ARL14EPL: variants seen among roughly 807,000 people sequenced by gnomAD.
ARL14EPL encodes ARL14 effector protein-like.
In ARL14EPL, 17 loss-of-function variants were observed where a neutral mutation model predicts 15.9. The ratio of observed to expected loss-of-function variants is 1.07; its 90% CI spans 0.73 to 1.60. The LOEUF is 1.60. ARL14EPL is among the 40% of genes most tolerant of loss of function. The pLI is 0.00. For missense variants in ARL14EPL, 214 were observed against 185.9 expected, an observed-to-expected ratio of 1.15 and a Z score of -0.88; for synonymous variants, 78 against 63.8, an observed-to-expected ratio of 1.22 and a Z score of -1.06.
intron 3 of ARL14EPL, among the ~76,000 whole-genome samples, chr5:116,055,854 G>T (rs1749504817): frequency 6.6e-6 from 1 of 151,806 alleles, no homozygotes; most frequent in Non-Finnish European, 1.5e-5. Flanking sequence ...CTGTCCAAGT[G>T]TTCTCATTGT....
intron 1 of ARL14EPL, among the ~76,000 whole-genome samples, chr5:116,038,485 G>A (rs532959096): frequency 1.3e-5 from 2 of 152,282 alleles, no homozygotes; most frequent in Admixed American, 6.5e-5. Context: ...GAAGGATGCG[G>A]TGACAACGAG....
intron 3 of ARL14EPL, among the ~76,000 whole-genome samples, chr5:116,057,550 T>C (rs1749550273): frequency 6.6e-6 from 1 of 152,154 alleles, no homozygotes; most frequent in African/African-American, 2.4e-5. Flanking sequence ...ATCTACTCCA[T>C]CACTCTTATA....
At chr5:116,053,338 C>T (rs1275013963) in intron 2 of ARL14EPL, among the ~76,000 whole-genome samples, 5 of 137,116 alleles carry the variant, frequency 3.6e-5, no homozygotes, top group Admixed American at 2.4e-4. Context: ...GGTGACAGAG[C>T]GAGACCCTAT....
chr5:116,056,575 A>C (rs1749522431), intron 3 of ARL14EPL, among the ~76,000 whole-genome samples: 1 of 151,992 alleles, frequency 6.6e-6, no homozygotes, highest in Non-Finnish European at 1.5e-5. Context: ...AGATTGCAAA[A>C]ATTTTCTCCC....
chr5:116,038,138 C>A (rs2112666641), intron 1 of ARL14EPL, among the ~76,000 whole-genome samples: 1 of 152,230 alleles, frequency 6.6e-6, no homozygotes, highest in South Asian at 2.1e-4. Flanking sequence ...GGAAACAGAT[C>A]ACTAAGTTAC....
intron 1 of ARL14EPL, among the ~76,000 whole-genome samples, chr5:116,046,856 A>C (rs1749276915): frequency 6.6e-6 from 1 of 152,180 alleles, no homozygotes; most frequent in Admixed American, 6.5e-5. Flanking sequence ...GACTATATTT[A>C]GAGATAGGGT....
rs899254563 is a variant in ARL14EPL at position 116,058,709 on chromosome 5, T to C, written c.237-16T>C. 2.0e-6 allele frequency: 3 copies of C among 1,532,520 alleles called. No individual in the cohort carries two copies. Among genetic ancestry groups the C allele is most frequent in the Non-Finnish European group, 2.6e-6 (3 of 1,145,252 alleles). The allele number at this position is 1,532,520 out of a possible 1,614,324, so 94.9% of individuals were successfully genotyped here. A position where few individuals can be genotyped will look rare whatever the true frequency, so the allele number is the denominator to read the frequency against. ...TGATTGCACTGTCATCTTAATGTCA[T>C]GCTTTTCCTTTGTAGAATAATGAGG... On this transcript the variant is annotated splice_polypyrimidine_tract_variant and intron_variant, in intron 3 of 3. Coordinates refer to ENST00000686077, the MANE Select transcript of ARL14EPL (RefSeq NM_001195581.2).
chr5:116,045,800 C>G (rs1164540164), intron 1 of ARL14EPL, among the ~76,000 whole-genome samples: 2 of 147,006 alleles, frequency 1.4e-5, no homozygotes, highest in African/African-American at 5.0e-5. Flanking sequence ...GAAAATACAA[C>G]TACAAAAGTA....
At chr5:116,040,979 C>CAA (rs56060606) in intron 1 of ARL14EPL, among the ~76,000 whole-genome samples, 31,098 of 66,326 alleles carry the variant, frequency 0.47, 7,738 homozygotes, top group Admixed American at 0.6. Context: ...GATTCCCTCT[C>CAA]AAAAAAAAAA....
intron 3 of ARL14EPL, 79 bp downstream of exon 3, chr5:116,054,232 C>T: frequency 7.4e-7 from 1 of 1,346,612 alleles, no homozygotes; most frequent in Non-Finnish European, 9.8e-7. Flanking sequence ...ATGAAAGATT[C>T]CCTCTTTTTA....
At chr5:116,035,721 T>C (rs1258696006) in intron 1 of ARL14EPL, among the ~76,000 whole-genome samples, 1 of 152,192 alleles carries the variant, frequency 6.6e-6, no homozygotes, top group Non-Finnish European at 1.5e-5. Context: ...GAGGGTCAAC[T>C]TGACTGGGGC....
chr5:116,053,994 T>TA lies in ARL14EPL; in HGVS notation c.97-19dup. On this transcript the variant is annotated intron_variant, in intron 2 of 3. Coordinates refer to ENST00000686077, the MANE Select transcript of ARL14EPL (RefSeq NM_001195581.2). ...AAAACTATCTGGTTCTTACTATTAA[T>TA]ACATTTATTTGTTTAATAGCAACAA... 1 of 1,519,620 alleles carries TA rather than the reference T, an allele frequency of 6.6e-7. No homozygotes were observed. The highest frequency in any genetic ancestry group is 8.8e-7 in the Non-Finnish European group (1 of 1,139,856). 94.1% of individuals were successfully genotyped at this position (1,519,620 alleles called of 1,614,324 possible). A position where few individuals can be genotyped will look rare whatever the true frequency, so the allele number is the denominator to read the frequency against.
intron 1 of ARL14EPL, among the ~76,000 whole-genome samples, chr5:116,033,810 A>G (rs2662455): frequency 1.3e-5 from 2 of 152,068 alleles, no homozygotes; most frequent in Non-Finnish European, 2.9e-5. Context: ...GTTTCGTGAA[A>G]AAAAGGCTGT....
intron 3 of ARL14EPL, among the ~76,000 whole-genome samples, chr5:116,055,129 C>T (rs1413051839): frequency 2.6e-5 from 4 of 152,124 alleles, no homozygotes; most frequent in Admixed American, 6.5e-5. Context: ...GATACCGAAC[C>T]TGATCAGCAC....
chr5:116,032,889 C>T (rs541927564), intron 1 of ARL14EPL, among the ~76,000 whole-genome samples: 1 of 152,244 alleles, frequency 6.6e-6, no homozygotes, highest in South Asian at 2.1e-4. Flanking sequence ...CCTCGACTTC[C>T]TGGGCTCAGG....
At chr5:116,044,790 C>A (rs1749232839) in intron 1 of ARL14EPL, among the ~76,000 whole-genome samples, 2 of 152,070 alleles carry the variant, frequency 1.3e-5, no homozygotes, top group African/African-American at 4.8e-5. Flanking sequence ...CTCGTCCCAG[C>A]CATTATTATA....
At chr5:116,055,696 G>A (rs1249924017) in intron 3 of ARL14EPL, among the ~76,000 whole-genome samples, 4 of 151,636 alleles carry the variant, frequency 2.6e-5, no homozygotes, top group East Asian at 3.9e-4. Context: ...TGTGCACAAT[G>A]TGCAGGTTTG....
At chr5:116,049,562 A>G (rs1017649017) in intron 1 of ARL14EPL, among the ~76,000 whole-genome samples, 1 of 152,190 alleles carries the variant, frequency 6.6e-6, no homozygotes, top group Non-Finnish European at 1.5e-5. Flanking sequence ...CATGATACTG[A>G]GGTTTGGATT....
intron 1 of ARL14EPL, among the ~76,000 whole-genome samples, chr5:116,037,908 A>T (rs1749076482): frequency 6.6e-6 from 1 of 152,228 alleles, no homozygotes; most frequent in Non-Finnish European, 1.5e-5. Flanking sequence ...TGTAGGTTAT[A>T]CAATAGCAGG....
Sources: allele counts gnomAD v4.1 joint callset (sites outside exome capture counted in the v4.1 genomes callset), GRCh38; gene constraint gnomAD v4.1.1; transcripts MANE v1.5; gene names NCBI Gene and HGNC (gene_info 2026-07-23, HGNC 2026-07-21).